Variants in LSAMP observed in about 807,000 individuals in gnomAD.
LSAMP encodes the protein limbic system associated membrane protein.
A neutral mutation model predicts 38.6 loss-of-function variants in LSAMP; 7 were observed. The observed-to-expected ratio is 0.18, with a 90% confidence interval of 0.10 to 0.34. The LOEUF (loss-of-function observed/expected upper bound fraction) is 0.34, where lower values mean the gene tolerates loss of function less well. Ranked by LOEUF, LSAMP falls within the 10% of genes least tolerant of loss-of-function variation. The probability of loss-of-function intolerance (pLI) is 1.00; values close to 1 mark genes in which losing one functional copy is unlikely to be tolerated. For synonymous variants in LSAMP, 154 were observed against 166.8 expected, an observed-to-expected ratio of 0.92 and a Z score of 0.59; for missense variants, 313 against 420.0, an observed-to-expected ratio of 0.75 and a Z score of 2.23.
intron 3 of LSAMP, among the ~76,000 whole-genome samples, chr3:115,962,624 G>A (rs1375269252): frequency 6.6e-6 from 1 of 152,210 alleles, no homozygotes; most frequent in Admixed American, 6.5e-5. Flanking sequence ...GAATCTCTAA[G>A]TGGTAAATTG....
At chr3:115,813,730 T>G (rs1455799305) in intron 6 of LSAMP, among the ~76,000 whole-genome samples, 1 of 152,180 alleles carries the variant, frequency 6.6e-6, no homozygotes, top group East Asian at 1.9e-4. Flanking sequence ...TGTGACTGCA[T>G]AGGAGACTAC....
rs556877652 is a variant in LSAMP at position 116,075,272 on chromosome 3, G to T, written c.388+11052C>A. ...TTGCGTCAGCCTCCCAAGTAGCTGG[G>T]ACTACAGGCACGTGCCACCACTCTT... On this transcript the variant is annotated intron_variant, in intron 2 of 6. Coordinates refer to ENST00000490035, the MANE Select transcript of LSAMP (RefSeq NM_002338.5). 8.6e-5 allele frequency among the ~76,000 whole-genome samples: 13 copies of T among 151,692 alleles called. 1 individual carries two copies. In the East Asian group the frequency reaches 2.1e-3, roughly 25 times the overall value.
In LSAMP at chr3:116,132,532, T is replaced by C. The variant is rs540465686; in HGVS notation, c.156-45976A>G. Among the ~76,000 whole-genome samples the C allele has an allele frequency of 8.5e-5, 13 of 152,342 alleles. No individual in the cohort carries two copies. In the South Asian group the frequency reaches 2.7e-3, roughly 32 times the overall value. ...ACTTGAGCACTAATGAGAAATATAA[T>C]CTTCCACCACATAACATGTTTCTCG... On this transcript the variant is annotated intron_variant, in intron 1 of 6. Transcript: ENST00000490035.
At chr3:115,875,380 G>C (rs1189559132) in intron 3 of LSAMP, among the ~76,000 whole-genome samples, 1 of 152,078 alleles carries the variant, frequency 6.6e-6, no homozygotes, top group Non-Finnish European at 1.5e-5. Context: ...AGTGGCTGCT[G>C]CATTTTATTT....
chr3:116,268,467 G>T (rs2046923098), intron 1 of LSAMP, among the ~76,000 whole-genome samples: 1 of 152,052 alleles, frequency 6.6e-6, no homozygotes, highest in African/African-American at 2.4e-5. Flanking sequence ...GGGGATGGGG[G>T]AAGACAACCA....
intron 1 of LSAMP, among the ~76,000 whole-genome samples, chr3:116,199,968 T>G (rs1383606472): frequency 6.6e-6 from 1 of 152,092 alleles, no homozygotes; most frequent in Non-Finnish European, 1.5e-5. Flanking sequence ...AAATGATACA[T>G]ATTTGCAGGT....
At chr3:116,385,336 G>A (rs1399803917) in intron 1 of LSAMP, among the ~76,000 whole-genome samples, 1 of 152,126 alleles carries the variant, frequency 6.6e-6, no homozygotes, top group Non-Finnish European at 1.5e-5. Flanking sequence ...ATGATTCTAT[G>A]AGACAACTTC....
At chr3:116,032,974 T>C (rs1341519941) in intron 2 of LSAMP, among the ~76,000 whole-genome samples, 1 of 152,194 alleles carries the variant, frequency 6.6e-6, no homozygotes, top group Admixed American at 6.6e-5. Context: ...ACTGATTGCG[T>C]AGAAGCAATG....
At chr3:116,175,699 C>A (rs1324307196) in intron 1 of LSAMP, among the ~76,000 whole-genome samples, 1 of 151,994 alleles carries the variant, frequency 6.6e-6, no homozygotes, top group African/African-American at 2.4e-5. Flanking sequence ...ATCTTATAAT[C>A]TTTCCCTTTT....
chr3:116,005,057 G>T (rs887733613), intron 3 of LSAMP, among the ~76,000 whole-genome samples: 5 of 152,156 alleles, frequency 3.3e-5, no homozygotes, highest in South Asian at 4.1e-4. Flanking sequence ...AGTAGTAGTA[G>T]CAGTGGGTAG....
chr3:116,007,530 C>T (rs1313421289), intron 3 of LSAMP, among the ~76,000 whole-genome samples: 1 of 152,080 alleles, frequency 6.6e-6, no homozygotes, highest in Non-Finnish European at 1.5e-5. Context: ...ACTCAAACAT[C>T]ATTAGAATGT....
chr3:115,840,227 T>C (rs751357764), intron 6 of LSAMP, among the ~76,000 whole-genome samples: 1 of 152,246 alleles, frequency 6.6e-6, no homozygotes, highest in Non-Finnish European at 1.5e-5. Flanking sequence ...AATTGTTCTA[T>C]CTTCTCTTTA....
In LSAMP at chr3:115,876,256, TAAA is replaced by T. The variant is rs57144373; in HGVS notation, c.515-23642_515-23640del. Reference sequence around the variant, plus strand: ...TTTGCTAAAAGAAACTGTTCTGATTTAAAAAAAAAAAAAGGAAAAAGCTTTTTT... The same window carrying T: ...TTTGCTAAAAGAAACTGTTCTGATTTAAAAAAAAAAGGAAAAAGCTTTTTT... On this transcript the variant is annotated intron_variant, in intron 3 of 6. Coordinates refer to ENST00000490035, the MANE Select transcript of LSAMP (RefSeq NM_002338.5). 1.5e-3 allele frequency among the ~76,000 whole-genome samples: 209 copies of T among 135,468 alleles called. 2 individuals carry two copies. The highest frequency in any genetic ancestry group is 5.2e-3 in the African/African-American group (197 of 37,796). 88.9% of individuals were successfully genotyped at this position (135,468 alleles called of 152,430 possible).
intron 1 of LSAMP, among the ~76,000 whole-genome samples, chr3:116,113,721 G>A (rs1171175578): frequency 1.3e-5 from 2 of 151,998 alleles, no homozygotes; most frequent in South Asian, 2.1e-4. Context: ...CACCGCGCCC[G>A]GCCCTTTGCC....
chr3:115,955,098 C>G (rs1487606610), intron 3 of LSAMP, among the ~76,000 whole-genome samples: 1 of 151,928 alleles, frequency 6.6e-6, no homozygotes, highest in Non-Finnish European at 1.5e-5. Context: ...CCAAGCCAGG[C>G]TAATTTTTTG....
intron 1 of LSAMP, among the ~76,000 whole-genome samples, chr3:116,380,394 T>C (rs1304359740): frequency 6.6e-6 from 1 of 152,062 alleles, no homozygotes; most frequent in Non-Finnish European, 1.5e-5. Flanking sequence ...ATCAGTGATA[T>C]ATAATTATGT....
intron 3 of LSAMP, among the ~76,000 whole-genome samples, chr3:115,860,004 G>A (rs1038829318): frequency 1.3e-5 from 2 of 152,196 alleles, no homozygotes; most frequent in Non-Finnish European, 2.9e-5. Flanking sequence ...ACTGAGAATA[G>A]CTATGGTTAC....
intron 1 of LSAMP, among the ~76,000 whole-genome samples, chr3:116,095,687 C>T (rs1362075984): frequency 2.6e-5 from 4 of 152,168 alleles, no homozygotes; most frequent in Non-Finnish European, 1.5e-5. Flanking sequence ...CGATTTCTAT[C>T]CCAGTCACAG....
At chr3:116,273,650 C>A (rs1314683208) in intron 1 of LSAMP, among the ~76,000 whole-genome samples, 1 of 108,814 alleles carries the variant, frequency 9.2e-6, no homozygotes, top group East Asian at 2.5e-4. Context: ...TAGAGGAATA[C>A]CCCAGAGGAC....
Sources: gnomAD v4.1 joint callset for allele counts (sites outside exome capture counted in the v4.1 genomes callset) on GRCh38, gnomAD v4.1.1 for gene constraint, MANE v1.5 for transcripts, NCBI Gene and HGNC (gene_info 2026-07-23, HGNC 2026-07-21) for gene names.